The following TEK variants were observed in gnomAD, a reference collection of about 807,000 sequenced individuals.
TEK encodes TEK receptor tyrosine kinase.
A neutral mutation model predicts 131.8 loss-of-function variants in TEK; 43 were observed. The observed-to-expected ratio is 0.33, with a 90% CI of 0.26 to 0.42. TEK has a LOEUF of 0.42. Ranked by LOEUF, TEK falls within the 10% of genes least tolerant of loss-of-function variation. The pLI is 1.00. For synonymous variants in TEK, 580 were observed against 491.6 expected (o/e 1.18, Z -2.38); for missense variants, 1,162 against 1,384.4 (o/e 0.84, Z 2.55).
At chr9:27,217,105 A>C (rs1825844244) in intron 18 of TEK, among the ~76,000 whole-genome samples, 1 of 152,186 alleles carries the variant, frequency 6.6e-6, no homozygotes, top group South Asian at 2.1e-4. Context: ...TATGTCTCCA[A>C]ACCCAACATA....
intron 19 of TEK, among the ~76,000 whole-genome samples, 169 bp downstream of exon 19, chr9:27,217,927 C>A (rs1483785656): frequency 6.6e-6 from 1 of 152,142 alleles, no homozygotes; most frequent in Admixed American, 6.5e-5. Flanking sequence ...AGACAGTTTC[C>A]AGAGGAGTGC....
At chr9:27,188,875 G>T (rs1166187199) in intron 9 of TEK, among the ~76,000 whole-genome samples, 1 of 152,148 alleles carries the variant, frequency 6.6e-6, no homozygotes, top group East Asian at 1.9e-4. Flanking sequence ...AAAATGCTGA[G>T]TGTCTTGGAG....
intron 21 of TEK, among the ~76,000 whole-genome samples, chr9:27,224,109 G>T (rs1826205529): frequency 6.6e-6 from 1 of 152,168 alleles, no homozygotes; most frequent in Non-Finnish European, 1.5e-5. Context: ...CTGAAATTGA[G>T]GCAGAATTAA....
At chr9:27,166,092 AG>A (rs1332073328) in intron 2 of TEK, among the ~76,000 whole-genome samples, 1 of 152,258 alleles carries the variant, frequency 6.6e-6, no homozygotes, top group African/African-American at 2.4e-5. Context: ...GTTCATCACA[AG>A]GTCCTCAGCA....
chr9:27,202,808 T>G lies in TEK; in HGVS notation c.1910-12T>G. 3 of 1,613,454 alleles carry G rather than the reference T, an allele frequency of 1.9e-6. No individual in the cohort carries two copies. The highest frequency in any genetic ancestry group is 2.5e-6 in the Non-Finnish European group (3 of 1,179,434). On this transcript the variant is annotated splice_polypyrimidine_tract_variant and intron_variant, in intron 12 of 22. Coordinates refer to ENST00000380036, the MANE Select transcript of TEK (RefSeq NM_000459.5). ...ATATCTTAAGTGAATCTTTTTTCTTTTTAATTTCTAGTTCTTCCTCCTCAA... is the reference window on the plus strand; with the variant it reads ...ATATCTTAAGTGAATCTTTTTTCTTGTTAATTTCTAGTTCTTCCTCCTCAA...
At chr9:27,136,099 T>TTTTTTG (rs1554689021) in intron 1 of TEK, among the ~76,000 whole-genome samples, 1 of 151,392 alleles carries the variant, frequency 6.6e-6, no homozygotes. Flanking sequence ...TTTTTTTTTT[T>TTTTTTG]GAGATGGAGT....
At chr9:27,114,963 C>T (rs1298494862) in intron 1 of TEK, among the ~76,000 whole-genome samples, 1 of 152,124 alleles carries the variant, frequency 6.6e-6, no homozygotes, top group Non-Finnish European at 1.5e-5. Context: ...TGAGGGTTTC[C>T]TTTGAGCCAT....
chr9:27,125,321 G>A (rs986915913), intron 1 of TEK, among the ~76,000 whole-genome samples: 2 of 152,230 alleles, frequency 1.3e-5, no homozygotes, highest in African/African-American at 4.8e-5. Flanking sequence ...AGTAATACAT[G>A]AGTTCTGCCA....
chr9:27,157,795 C>A (rs1823389601), intron 1 of TEK, 36 bp from the exon 2 acceptor site: 3 of 1,610,182 alleles, frequency 1.9e-6, no homozygotes, highest in Middle Eastern at 1.7e-4. Flanking sequence ...ATGTTAATAA[C>A]CTTAGTCATA....
intron 21 of TEK, among the ~76,000 whole-genome samples, chr9:27,227,231 T>C (rs10967787): frequency 0.34 from 51,960 of 152,032 alleles, 9,064 homozygotes; most frequent in Admixed American, 0.38. Flanking sequence ...ATTGATTCTG[T>C]AAGTTTAGGG....
Position 27,197,491 on chromosome 9 carries a change from C to G in TEK, c.1801C>G (p.Leu601Val). The G allele has an allele frequency of 6.2e-7, 1 of 1,614,070 alleles. No individual in the cohort carries two copies. The change falls in exon 12 of 23, where the codon CTA becomes GTA. Residue 601 changes from leucine (L) to valine (V), a missense_variant. Leu to Val is a conservative substitution (Grantham distance 32). Transcript: ENST00000380036. ...AGTTCCAGGCAACTTGACTTCGGTG[C>G]TACTTAACAACTTACATCCCAGGGA... is the stretch of plus-strand genomic sequence containing the variant. ...IKVPGNLTSV[L>V]LNNLHPREQY...
In TEK at chr9:27,172,765, A is replaced by G. The variant is rs1824006099; in HGVS notation, c.760+18A>G. ...TGAGAAGGGTAAGTAAAGAGACTTG[A>G]TAAGTAAGCTGTGGATTTAAAAAGC... On this transcript the variant is annotated intron_variant, in intron 5 of 22. Transcript: ENST00000380036. 3 of 1,612,950 alleles carry G rather than the reference A, an allele frequency of 1.9e-6. No individual in the cohort carries two copies. The highest frequency in any genetic ancestry group is 1.3e-5 in the African/African-American group (1 of 74,990).
chr9:27,208,431 T>C (rs1716132428), intron 15 of TEK, among the ~76,000 whole-genome samples: 1 of 152,162 alleles, frequency 6.6e-6, no homozygotes, highest in African/African-American at 2.4e-5. Context: ...CTTCTCTTCA[T>C]TCTGGTGCCT....
chr9:27,198,694 G>A (rs1359319010), intron 12 of TEK, among the ~76,000 whole-genome samples: 1 of 152,200 alleles, frequency 6.6e-6, no homozygotes, highest in Non-Finnish European at 1.5e-5. Flanking sequence ...ACCCACTACA[G>A]GTGTATCAGT....
intron 20 of TEK, 107 bp downstream of exon 20, chr9:27,218,924 C>T (rs1380997553): frequency 1.7e-5 from 19 of 1,109,744 alleles, no homozygotes; most frequent in Non-Finnish European, 2.5e-5. Flanking sequence ...GTATGTGGTT[C>T]TACCAGATGT....
Position 27,202,974 on chromosome 9 carries a change from G to T in TEK, c.2064G>T (p.Lys688Asn). Residue 688 changes from lysine (K) to asparagine (N), a missense_variant, in exon 13 of 23, where the codon AAG (lysine) becomes AAT (asparagine). Lys to Asn is a moderately conservative substitution (Grantham distance 94). Around this residue, in one of 6 missense-constraint regions of TEK, gnomAD observed 477 missense variants for 471.0 expected, o/e 1.01. Coordinates refer to ENST00000380036, the MANE Select transcript of TEK (RefSeq NM_000459.5). The part of the protein sequence containing the change: ...GKNEDQHVDV[K>N]IKNATITQYQ... ...ATGAAGACCAGCACGTTGATGTGAA[G>T]ATAAAGAATGCCACCATCACTCAGT... is the stretch of plus-strand genomic sequence containing the variant. The T allele has an allele frequency of 6.2e-7, 1 of 1,614,108 alleles. No homozygotes were observed. Among genetic ancestry groups the T allele is most frequent in the Non-Finnish European group, 8.5e-7 (1 of 1,179,998 alleles).
chr9:27,161,540 G>C (rs754379841), intron 2 of TEK, among the ~76,000 whole-genome samples: 1 of 152,230 alleles, frequency 6.6e-6, no homozygotes, highest in Non-Finnish European at 1.5e-5. Flanking sequence ...ATTTGATGCC[G>C]AGTGATCTGA....
intron 2 of TEK, among the ~76,000 whole-genome samples, chr9:27,165,929 GC>G (rs1439439562): frequency 6.6e-6 from 1 of 152,272 alleles, no homozygotes; most frequent in African/African-American, 2.4e-5. Flanking sequence ...CAAACCTAAA[GC>G]CCAGGTCCTT....
chr9:27,171,343 G>A (rs1044009864), intron 4 of TEK, among the ~76,000 whole-genome samples: 2 of 152,068 alleles, frequency 1.3e-5, no homozygotes, highest in African/African-American at 4.8e-5. Flanking sequence ...TTTGCTTTGC[G>A]TTATGTTCCC....
Sources: gnomAD v4.1 joint callset for allele counts (sites outside exome capture counted in the v4.1 genomes callset) on GRCh38, gnomAD v4.1.1 for gene constraint, gnomAD v4.1.1 regional missense constraint, MANE v1.5 for transcripts, NCBI Gene and HGNC (gene_info 2026-07-23, HGNC 2026-07-21) for gene names.